The following ZEB1 variants were observed in gnomAD, a reference collection of about 807,000 sequenced individuals.
ZEB1 encodes zinc finger E-box binding homeobox 1.
ZEB1 carries 21 observed loss-of-function variants against 84.9 expected under a neutral mutation model. The ratio of observed to expected loss-of-function variants is 0.25; its 90% CI spans 0.18 to 0.36. The LOEUF is 0.36. Among genes scored for constraint, ZEB1 ranks in the 10% least tolerant of loss-of-function variants. The pLI is 1.00. For missense variants in ZEB1, 1,104 were observed against 1,330.2 expected (o/e 0.83, Z 2.65); for synonymous variants, 420 against 471.1 (o/e 0.89, Z 1.41).
intron 4 of ZEB1, among the ~76,000 whole-genome samples, chr10:31,506,934 T>C (rs1416305884): frequency 6.6e-6 from 1 of 152,132 alleles, no homozygotes; most frequent in Non-Finnish European, 1.5e-5. Flanking sequence ...GGATTTTATA[T>C]TTTCATGTGT....
At chr10:31,489,282 C>T (rs755014678) in intron 2 of ZEB1, among the ~76,000 whole-genome samples, 26 of 151,234 alleles carry the variant, frequency 1.7e-4, no homozygotes, top group Non-Finnish European at 3.1e-4. Context: ...ACTATAATCA[C>T]GCTAGCTTTC....
rs186044168 is a variant in ZEB1, at chr10:31,354,604, T to C, written c.58+35312T>C. ...TCTGAGCCATGTCCAGGAATTACTT[T>C]GGCGAGGTTTCCATTTCCTATTTAA... On this transcript the variant is annotated intron_variant, in intron 1 of 8. Transcript: ENST00000424869. Among the ~76,000 whole-genome samples the C allele has an allele frequency of 8.5e-5, 13 of 152,318 alleles. No individual in the cohort carries two copies. The East Asian group carries it at 2.5e-3, about 29-fold the overall frequency.
At chr10:31,360,955 A>G in intron 1 of ZEB1, 10 of 1,601,068 alleles carry the variant, frequency 6.2e-6, no homozygotes, top group Non-Finnish European at 7.6e-6. Flanking sequence ...GCAGCTAACT[A>G]TGGCGACCGC....
chr10:31,329,489 G>A (rs1318929428), intron 1 of ZEB1, among the ~76,000 whole-genome samples: 1 of 152,056 alleles, frequency 6.6e-6, no homozygotes, highest in Non-Finnish European at 1.5e-5. Flanking sequence ...TAAAGCTACT[G>A]TGAACATTTA....
At chr10:31,345,115 G>T (rs2040070429) in intron 1 of ZEB1, among the ~76,000 whole-genome samples, 1 of 152,044 alleles carries the variant, frequency 6.6e-6, no homozygotes. Flanking sequence ...TGGGGAGGTG[G>T]TCAAGCCCAA....
At chr10:31,389,876 A>G (rs2049312520) in intron 1 of ZEB1, among the ~76,000 whole-genome samples, 1 of 152,144 alleles carries the variant, frequency 6.6e-6, no homozygotes, top group Non-Finnish European at 1.5e-5. Flanking sequence ...TTATACTCAC[A>G]GCACATCTTA....
intron 1 of ZEB1, among the ~76,000 whole-genome samples, chr10:31,353,531 A>G (rs1048265108): frequency 3.9e-5 from 6 of 152,212 alleles, no homozygotes; most frequent in African/African-American, 1.4e-4. Context: ...AAAATCTTAC[A>G]GCTTTCCTAA....
At chr10:31,411,493 G>A (rs1051586752) in intron 1 of ZEB1, among the ~76,000 whole-genome samples, 6 of 151,960 alleles carry the variant, frequency 3.9e-5, no homozygotes, top group South Asian at 2.1e-4. Context: ...TTAGCCGGGC[G>A]CGGTGGCGGG....
intron 1 of ZEB1, among the ~76,000 whole-genome samples, chr10:31,412,141 T>C (rs1410561655): frequency 6.6e-6 from 1 of 152,220 alleles, no homozygotes; most frequent in Non-Finnish European, 1.5e-5. Flanking sequence ...TATCTTATTT[T>C]CCTCTCTTTT....
At chr10:31,416,217 C>G (rs2055186843) in intron 1 of ZEB1, among the ~76,000 whole-genome samples, 1 of 151,880 alleles carries the variant, frequency 6.6e-6, no homozygotes, top group Non-Finnish European at 1.5e-5. Context: ...TGATTTAATA[C>G]TTCATACTTT....
chr10:31,440,124 C>G (rs955808776), intron 1 of ZEB1, among the ~76,000 whole-genome samples: 3 of 152,054 alleles, frequency 2.0e-5, no homozygotes, highest in Admixed American at 1.3e-4. Flanking sequence ...AGAGTAGATG[C>G]ATGGGATATG....
At chr10:31,323,905 G>T (rs1248284513) in intron 1 of ZEB1, among the ~76,000 whole-genome samples, 8 of 151,568 alleles carry the variant, frequency 5.3e-5, no homozygotes, top group Non-Finnish European at 8.9e-5. Flanking sequence ...GAACTAAGTA[G>T]GTATTGAATT....
At chr10:31,337,322 CAG>C (rs2038336297) in intron 1 of ZEB1, among the ~76,000 whole-genome samples, 1 of 151,678 alleles carries the variant, frequency 6.6e-6, no homozygotes, top group South Asian at 2.1e-4. Flanking sequence ...AATTTGGACA[CAG>C]AGTAGATATC....
chr10:31,416,656 A>T (rs2055264779), intron 1 of ZEB1, among the ~76,000 whole-genome samples: 1 of 152,126 alleles, frequency 6.6e-6, no homozygotes, highest in African/African-American at 2.4e-5. Flanking sequence ...CTTTATAAAG[A>T]TATTACAATG....
intron 2 of ZEB1, among the ~76,000 whole-genome samples, chr10:31,480,247 A>G (rs1032300209): frequency 2.0e-5 from 3 of 152,078 alleles, no homozygotes; most frequent in Non-Finnish European, 4.4e-5. Context: ...AAGACAATTA[A>G]ACTTTTTATG....
chr10:31,333,178 G>C (rs1452757790), intron 1 of ZEB1, among the ~76,000 whole-genome samples: 1 of 152,146 alleles, frequency 6.6e-6, no homozygotes, highest in Non-Finnish European at 1.5e-5. Flanking sequence ...CATGTGGAGA[G>C]GAAAGCAAGG....
intron 1 of ZEB1, among the ~76,000 whole-genome samples, chr10:31,383,490 G>T (rs2048064669): frequency 1.3e-5 from 2 of 152,242 alleles, no homozygotes; most frequent in South Asian, 4.2e-4. Context: ...TATGGAAAGT[G>T]ATAGTCATAA....
At chr10:31,501,784 G>A (rs923956864) in intron 3 of ZEB1, among the ~76,000 whole-genome samples, 5 of 151,866 alleles carry the variant, frequency 3.3e-5, no homozygotes, top group Admixed American at 1.3e-4. Flanking sequence ...AATAAAATAC[G>A]GTTATAACAA....
intron 1 of ZEB1, among the ~76,000 whole-genome samples, chr10:31,338,192 G>A (rs1231836558): frequency 6.6e-6 from 1 of 152,074 alleles, no homozygotes; most frequent in Non-Finnish European, 1.5e-5. Context: ...CTTAAAATAT[G>A]TGTGTTACTA....
Sources: allele counts gnomAD v4.1 joint callset (sites outside exome capture counted in the v4.1 genomes callset), GRCh38; gene constraint gnomAD v4.1.1; transcripts MANE v1.5; gene names NCBI Gene and HGNC (gene_info 2026-07-23, HGNC 2026-07-21).